ZC3H12B: variants seen among roughly 807,000 people sequenced by gnomAD.
ZC3H12B encodes the protein probable ribonuclease ZC3H12B.
A neutral mutation model predicts 43.9 loss-of-function variants in ZC3H12B; 7 were observed. The observed-to-expected ratio is 0.16, with a 90% CI of 0.09 to 0.30. ZC3H12B has a LOEUF of 0.30. ZC3H12B is among the 10% of genes least tolerant of loss of function. The probability of loss-of-function intolerance (pLI) is 1.00; values close to 1 mark genes in which losing one functional copy is unlikely to be tolerated. For missense variants in ZC3H12B, 475 were observed against 670.2 expected, an observed-to-expected ratio of 0.71 and a Z score of 3.22; for synonymous variants, 222 against 241.7, an observed-to-expected ratio of 0.92 and a Z score of 0.76.
the ZC3H12B span, among the ~76,000 whole-genome samples, chrX:65,088,884 C>G: frequency 9.0e-6 from 1 of 111,456 alleles, no homozygotes; most frequent in Non-Finnish European, 1.9e-5. Context: ...TGATTCTGAG[C>G]AAGTTACTTA....
intron 2 of ZC3H12B, among the ~76,000 whole-genome samples, chrX:65,376,075 G>T (rs1248284938): frequency 3.6e-5 from 4 of 111,833 alleles, no homozygotes; most frequent in South Asian, 3.7e-4. Context: ...TGCCCTAAAG[G>T]GTGAGTCTCA....
chrX:65,181,237 T>G, the ZC3H12B span, among the ~76,000 whole-genome samples: 1 of 112,067 alleles, frequency 8.9e-6, no homozygotes, highest in Admixed American at 9.5e-5. Flanking sequence ...TTTTATACCT[T>G]ATGCAAAAAA....
chrX:65,255,579 C>CA, the ZC3H12B span, among the ~76,000 whole-genome samples: 1 of 112,006 alleles, frequency 8.9e-6, no homozygotes, highest in African/African-American at 3.2e-5. Flanking sequence ...CCAGCCACCA[C>CA]AAAAATACAC....
At chrX:65,359,657 A>G in the ZC3H12B span, among the ~76,000 whole-genome samples, 1 of 112,450 alleles carries the variant, frequency 8.9e-6, no homozygotes, top group African/African-American at 3.2e-5. Flanking sequence ...TTTTTAATAA[A>G]TGAGGAATTG....
chrX:65,058,715 G>A, the ZC3H12B span, among the ~76,000 whole-genome samples: 1 of 111,888 alleles, frequency 8.9e-6, no homozygotes, highest in South Asian at 3.7e-4. Flanking sequence ...CAGCTGTGGT[G>A]GGCTCCACCC....
At chrX:65,149,300 C>A in the ZC3H12B span, among the ~76,000 whole-genome samples, 2 of 111,932 alleles carry the variant, frequency 1.8e-5, no homozygotes, top group East Asian at 5.6e-4. Context: ...CTGGTCTCTG[C>A]CTCTAAAGAA....
At chrX:65,492,162 T>C (rs2068215446) in intron 1 of ZC3H12B, among the ~76,000 whole-genome samples, 1 of 110,832 alleles carries the variant, frequency 9.0e-6, no homozygotes, top group Non-Finnish European at 1.9e-5. Context: ...TTGGTTTGGT[T>C]TGGTCTGGTT....
intron 3 of ZC3H12B, among the ~76,000 whole-genome samples, chrX:65,452,572 G>A (rs997723150): frequency 8.9e-6 from 1 of 111,833 alleles, no homozygotes. Context: ...TGGGCGTGGT[G>A]GCTCACGCCT....
At chrX:65,062,895 C>T in the ZC3H12B span, among the ~76,000 whole-genome samples, 8 of 111,393 alleles carry the variant, frequency 7.2e-5, no homozygotes, top group Non-Finnish European at 1.3e-4. Flanking sequence ...AGGTTGTATT[C>T]CTAGGTATTT....
At chrX:65,172,175 T>C in the ZC3H12B span, among the ~76,000 whole-genome samples, 3 of 112,744 alleles carry the variant, frequency 2.7e-5, no homozygotes, top group Non-Finnish European at 5.6e-5. Context: ...TTTGCATTTC[T>C]ATAATGACCA....
chrX:65,363,912 C>G (rs1369322058), upstream of ZC3H12B, among the ~76,000 whole-genome samples: 3 of 111,608 alleles, frequency 2.7e-5, no homozygotes, highest in African/African-American at 9.8e-5. Flanking sequence ...TATACTCACT[C>G]TTTGTTGAGT....
chrX:65,124,728 T>C, the ZC3H12B span, among the ~76,000 whole-genome samples: 32 of 111,205 alleles, frequency 2.9e-4, no homozygotes, highest in African/African-American at 1.0e-3. Context: ...TTGTGTATTT[T>C]CAGAAATTTA....
chrX:65,288,342 G>A, the ZC3H12B span, among the ~76,000 whole-genome samples: 1 of 110,571 alleles, frequency 9.0e-6, no homozygotes, highest in African/African-American at 3.3e-5. Context: ...AACCAGACAA[G>A]GACACAAGAA....
chrX:65,331,989 C>T, the ZC3H12B span, among the ~76,000 whole-genome samples: 12 of 111,362 alleles, frequency 1.1e-4, no homozygotes, highest in African/African-American at 3.9e-4. Context: ...CCTGTTTTAT[C>T]AGCAAGGTCT....
At chrX:65,438,050 C>A (rs1463985147) in intron 3 of ZC3H12B, among the ~76,000 whole-genome samples, 3 of 111,638 alleles carry the variant, frequency 2.7e-5, no homozygotes, top group African/African-American at 9.8e-5. Flanking sequence ...AGTTTTATTT[C>A]TGGTTTCTCT....
At chrX:65,224,504 G>C in the ZC3H12B span, among the ~76,000 whole-genome samples, 3 of 112,631 alleles carry the variant, frequency 2.7e-5, no homozygotes, top group Admixed American at 1.9e-4. Context: ...TCTCACTAGG[G>C]AGTGCCAGAC....
At chrX:65,079,313 G>A in the ZC3H12B span, among the ~76,000 whole-genome samples, 8 of 112,740 alleles carry the variant, frequency 7.1e-5, no homozygotes, top group African/African-American at 2.6e-4. Flanking sequence ...CTGAAGGGAA[G>A]GATGCAGGCC....
At chrX:65,153,464 A>C in the ZC3H12B span, among the ~76,000 whole-genome samples, 1 of 112,587 alleles carries the variant, frequency 8.9e-6, no homozygotes, top group African/African-American at 3.2e-5. Flanking sequence ...ATGCAGCCAA[A>C]AAACACATGA....
intron 3 of ZC3H12B, among the ~76,000 whole-genome samples, chrX:65,468,638 C>T (rs1310774713): frequency 4.4e-4 from 44 of 100,774 alleles, no homozygotes; most frequent in South Asian, 9.3e-4. Flanking sequence ...TGCCCGCCAC[C>T]GTGCCCGGCT....
Sources: gnomAD v4.1 joint callset for allele counts (sites outside exome capture counted in the v4.1 genomes callset) on GRCh38, gnomAD v4.1.1 for gene constraint, MANE v1.5 for transcripts, NCBI Gene and HGNC (gene_info 2026-07-23, HGNC 2026-07-21) for gene names.